Variants in PLPP3 observed in about 807,000 individuals in gnomAD.
PLPP3 encodes PAP2 beta.
PLPP3 carries 6 observed loss-of-function variants against 29.6 expected under a neutral mutation model. The observed-to-expected ratio is 0.20, with a 90% CI of 0.11 to 0.40. PLPP3 has a LOEUF of 0.40. Among genes scored for constraint, PLPP3 ranks in the 10% least tolerant of loss-of-function variants. PLPP3 has a pLI of 1.00. For missense variants in PLPP3, 308 were observed against 407.7 expected (o/e 0.76, Z 2.11); for synonymous variants, 152 against 159.7 (o/e 0.95, Z 0.36).
chr1:56,549,740 C>T (rs1041440361), intron 1 of PLPP3, among the ~76,000 whole-genome samples: 1 of 152,146 alleles, frequency 6.6e-6, no homozygotes, highest in African/African-American at 2.4e-5. Context: ...TTCAAAGATG[C>T]TCATTTATAA....
chr1:56,537,181 C>G, intron 1 of PLPP3, 69 bp from the exon 2 acceptor site: 2 of 1,494,564 alleles, frequency 1.3e-6, no homozygotes, highest in Non-Finnish European at 1.8e-6. Flanking sequence ...AACATCAGTG[C>G]CAAAGAGGAA....
intron 1 of PLPP3, among the ~76,000 whole-genome samples, chr1:56,573,218 C>CTATGTTGTAAATACAT (rs748420043): frequency 1.1e-4 from 16 of 152,284 alleles, no homozygotes; most frequent in Non-Finnish European, 2.2e-4. Context: ...GGTTTACAAC[C>CTATGTTGTAAATACAT]AGAAAATACA....
chr1:56,522,262 T>C (rs1314172586), intron 4 of PLPP3, among the ~76,000 whole-genome samples: 7 of 152,210 alleles, frequency 4.6e-5, no homozygotes, highest in Non-Finnish European at 8.8e-5. Context: ...CCAAAGTGTG[T>C]CAGCATCTTC....
At chr1:56,553,473 T>C (rs1233940932) in intron 1 of PLPP3, among the ~76,000 whole-genome samples, 2 of 152,168 alleles carry the variant, frequency 1.3e-5, no homozygotes, top group Non-Finnish European at 1.5e-5. Flanking sequence ...CCATCCACCC[T>C]GAATGAGGTG....
intron 4 of PLPP3, among the ~76,000 whole-genome samples, chr1:56,515,268 A>T (rs1645772937): frequency 6.6e-6 from 1 of 152,210 alleles, no homozygotes; most frequent in Non-Finnish European, 1.5e-5. Context: ...ACATTTCTTA[A>T]TTTGGAGTGG....
rs536946327 is a variant in PLPP3 at position 56,525,808 on chromosome 1, A to T, written c.298-1254T>A. ...TGTGCACAGCCACAAGGGAAGCAAT[A>T]GTCTGGCATATCCGGACACTCCTTT... is the stretch of plus-strand genomic sequence containing the variant. On this transcript the variant is annotated intron_variant, in intron 2 of 5. Coordinates refer to ENST00000371250, the MANE Select transcript of PLPP3 (RefSeq NM_003713.5). Among the ~76,000 whole-genome samples, 5 of 152,240 alleles carry T rather than the reference A, an allele frequency of 3.3e-5. No individual in the cohort carries two copies. The East Asian group carries it at 9.7e-4, about 29-fold the overall frequency.
At chr1:56,557,107 C>T (rs932391510) in intron 1 of PLPP3, among the ~76,000 whole-genome samples, 13 of 149,108 alleles carry the variant, frequency 8.7e-5, no homozygotes, top group African/African-American at 3.0e-4. Context: ...AGGCTGGGTG[C>T]GGTGGCTCAT....
At chr1:56,517,322 G>C (rs2100239606) in intron 4 of PLPP3, among the ~76,000 whole-genome samples, 1 of 152,296 alleles carries the variant, frequency 6.6e-6, no homozygotes, top group East Asian at 1.9e-4. Context: ...ACATATTGTA[G>C]AATCTCTCTG....
intron 4 of PLPP3, among the ~76,000 whole-genome samples, chr1:56,514,277 G>A (rs1393627890): frequency 6.6e-6 from 1 of 151,694 alleles, no homozygotes; most frequent in Non-Finnish European, 1.5e-5. Context: ...AATCCTAAAG[G>A]TGAATGAGTA....
chr1:56,544,544 G>A (rs1645992819), intron 1 of PLPP3, among the ~76,000 whole-genome samples: 1 of 152,100 alleles, frequency 6.6e-6, no homozygotes, highest in Non-Finnish European at 1.5e-5. Flanking sequence ...TACATCAATT[G>A]ATTTAATTCT....
intron 2 of PLPP3, among the ~76,000 whole-genome samples, chr1:56,528,841 G>A (rs929738773): frequency 9.4e-5 from 14 of 148,736 alleles, no homozygotes; most frequent in Non-Finnish European, 1.5e-4. Context: ...TATCTAGTAT[G>A]TATTTTTCAG....
Position 56,496,613 on chromosome 1 carries a change from G to A in PLPP3, c.874C>T (p.Arg292Trp), listed in dbSNP as rs747279885. Reference sequence around the variant, plus strand: ...TCCACAGGTGAAAGGATTTCCTTCCGGATAGCAGGGGCAGGCAGGGAGAGC... The same window carrying A: ...TCCACAGGTGAAAGGATTTCCTTCCAGATAGCAGGGGCAGGCAGGGAGAGC... Reference protein sequence around the residue: ...TTLSLPAPAIRKEILSPVDII... With the variant: ...TTLSLPAPAIWKEILSPVDII... Residue 292 changes from arginine to tryptophan, a missense_variant, in exon 6 of 6, where the codon CGG (arginine) becomes TGG (tryptophan). Arg to Trp is a moderately radical substitution (Grantham distance 101, BLOSUM62 -3). Transcript: ENST00000371250. The A allele has an allele frequency of 6.8e-6, 11 of 1,613,906 alleles. No individual in the cohort carries two copies. The highest frequency in any genetic ancestry group is 2.2e-5 in the East Asian group (1 of 44,870).
chr1:56,559,735 C>T (rs1646108622), intron 1 of PLPP3, among the ~76,000 whole-genome samples: 1 of 152,080 alleles, frequency 6.6e-6, no homozygotes, highest in African/African-American at 2.4e-5. Flanking sequence ...CTTGAACCTG[C>T]ACAAGGTAAG....
chr1:56,498,387 C>G (rs541539948), intron 5 of PLPP3, among the ~76,000 whole-genome samples: 1 of 152,134 alleles, frequency 6.6e-6, no homozygotes, highest in Non-Finnish European at 1.5e-5. Context: ...GAAACAGACT[C>G]GATTAAAGTT....
chr1:56,560,889 G>T (rs1646120711), intron 1 of PLPP3, among the ~76,000 whole-genome samples: 1 of 144,224 alleles, frequency 6.9e-6, no homozygotes, highest in South Asian at 2.3e-4. Flanking sequence ...CCAGGCTGGA[G>T]TGCAGTGGCC....
chr1:56,499,183 T>C (rs1645649898), intron 5 of PLPP3, among the ~76,000 whole-genome samples: 2 of 151,488 alleles, frequency 1.3e-5, no homozygotes, highest in Non-Finnish European at 2.9e-5. Flanking sequence ...TATCCTAGGG[T>C]TTCCATTTCC....
At chr1:56,561,763 G>T (rs552505096) in intron 1 of PLPP3, among the ~76,000 whole-genome samples, 1 of 151,942 alleles carries the variant, frequency 6.6e-6, no homozygotes, top group Non-Finnish European at 1.5e-5. Context: ...GGCTGAGCAC[G>T]GTGGCTCACG....
At chr1:56,512,636 A>G (rs1645751348) in intron 4 of PLPP3, 1 of 152,488 alleles carries the variant, frequency 6.6e-6, no homozygotes, top group African/African-American at 2.4e-5. Flanking sequence ...GTAAGTAAGT[A>G]AGTAAATAAA....
chr1:56,524,567 C>T lies in PLPP3; in HGVS notation c.298-13G>A, dbSNP rs1645840991. 6.2e-7 allele frequency: 1 copy of T among 1,601,136 alleles called. No homozygotes were observed. The highest frequency in any genetic ancestry group is 8.6e-7 in the Non-Finnish European group (1 of 1,169,132). ...CCCCCGTGATGATCTAAAAGGAATC[C>T]AACAGGGGAATTAGGCAGTATCAAG... On this transcript the variant is annotated splice_polypyrimidine_tract_variant and intron_variant, in intron 2 of 5. Transcript: ENST00000371250. The surrounding 1 kb of genome is among the most constrained non-coding windows in gnomAD (Gnocchi z 4.3).
Sources: allele counts gnomAD v4.1 joint callset (sites outside exome capture counted in the v4.1 genomes callset), GRCh38; gene constraint gnomAD v4.1.1; non-coding constraint Gnocchi (gnomAD v3.1); transcripts MANE v1.5; gene names NCBI Gene and HGNC (gene_info 2026-07-23, HGNC 2026-07-21).